Variants in SI observed in about 807,000 individuals in gnomAD.
SI encodes the protein sucrase-isomaltase, intestinal.
Under a neutral mutation model 253.3 loss-of-function variants are expected in SI, and 235 were observed. That is an observed-to-expected ratio of 0.93 (90% confidence interval 0.83 to 1.03). The LOEUF is 1.03. Ranked by LOEUF, SI falls within the 50% of genes least tolerant of loss-of-function variation. The pLI, the probability that SI is intolerant of heterozygous loss-of-function variation, is 0.00. For synonymous variants in SI, 819 were observed against 712.0 expected, an observed-to-expected ratio of 1.15 and a Z score of -2.39; for missense variants, 2,442 against 2,211.1, an observed-to-expected ratio of 1.10 and a Z score of -2.09.
chr3:165,090,159 A>G, the SI span, among the ~76,000 whole-genome samples: 187 of 147,752 alleles, frequency 1.3e-3, 2 homozygotes, highest in African/African-American at 4.4e-3. Flanking sequence ...TAAAAAAAAA[A>G]AGAGAGAGAG....
At chr3:165,057,096 G>A (rs571666237) in intron 12 of SI, among the ~76,000 whole-genome samples, 6 of 152,000 alleles carry the variant, frequency 3.9e-5, no homozygotes, top group South Asian at 2.1e-4. Context: ...CCAGGATAAC[G>A]TGGAGGAGTT....
intron 40 of SI, among the ~76,000 whole-genome samples, chr3:164,995,871 A>G (rs568411365): frequency 3.3e-5 from 5 of 151,866 alleles, no homozygotes; most frequent in African/African-American, 1.2e-4. Context: ...CATTTGAGCA[A>G]GGACTTCGTA....
chr3:165,019,257 C>G (rs990411377), intron 28 of SI, among the ~76,000 whole-genome samples: 1 of 151,944 alleles, frequency 6.6e-6, no homozygotes, highest in South Asian at 2.1e-4. Context: ...TCAAGGAAAA[C>G]TTTAGGCAGT....
At chr3:164,987,994 A>T (rs972799311) in intron 44 of SI, among the ~76,000 whole-genome samples, 22 of 152,304 alleles carry the variant, frequency 1.4e-4, no homozygotes, top group African/African-American at 5.3e-4. Context: ...TGTATAAAGT[A>T]GCCTCCAAGT....
Position 165,033,375 on chromosome 3 carries a change from T to G in SI, c.2565+20A>C, listed in dbSNP as rs544155794. The G allele has an allele frequency of 1.7e-5, 26 of 1,544,818 alleles. No homozygotes were observed. In the African/African-American group the frequency reaches 2.1e-4, roughly 12 times the overall value. On this transcript the variant is annotated intron_variant, in intron 23 of 47. Coordinates refer to ENST00000264382, the MANE Select transcript of SI (RefSeq NM_001041.4). Reference sequence around the variant, plus strand: ...TGAACAAATTATGCATTTAAGTATATGTACAAAGAGAGTGCTTACATTAGA... The same window carrying G: ...TGAACAAATTATGCATTTAAGTATAGGTACAAAGAGAGTGCTTACATTAGA...
Position 164,987,226 on chromosome 3 carries a change from A to G in SI, c.5109T>C (p.Ser1703=). The G allele has an allele frequency of 2.5e-6, 4 of 1,611,620 alleles. No homozygotes were observed. Among genetic ancestry groups the G allele is most frequent in the Non-Finnish European group, 3.4e-6 (4 of 1,177,956 alleles). Reference sequence around the variant, plus strand: ...CAATGAGCTTCATGTGTTTTTGTCGACTATAAGAAAGAAATATATAATTTT... The same window carrying G: ...CAATGAGCTTCATGTGTTTTTGTCGGCTATAAGAAAGAAATATATAATTTT... ...CQEPAQNTFY[S]RQKHMKLIVA... Residue 1703 remains serine (S), a splice_region_variant and synonymous_variant, in exon 45 of 48, where the codon AGT becomes AGC. Coordinates refer to ENST00000264382, the MANE Select transcript of SI (RefSeq NM_001041.4).
rs968132423 is a variant in SI, at chr3:164,982,348, T to A, written c.5310A>T (p.Gly1770=). The A allele has an allele frequency of 6.2e-7, 1 of 1,612,738 alleles. No homozygotes were observed. Among genetic ancestry groups the A allele is most frequent in the Admixed American group, 1.7e-5 (1 of 59,900 alleles). The part of the protein sequence containing the change: ...GYINKSETRL[G]SLHVWGKGTT... ...TTCCTTTCCCCCATACATGAAGGGATCCAAGCCTCGTTTCACTTTTATTTA... is the reference window on the plus strand; with the variant it reads ...TTCCTTTCCCCCATACATGAAGGGAACCAAGCCTCGTTTCACTTTTATTTA... The change falls in exon 47 of 48, where the codon GGA becomes GGT. Residue 1770 remains glycine (G), a synonymous_variant. Coordinates refer to ENST00000264382, the MANE Select transcript of SI (RefSeq NM_001041.4).
chr3:164,987,716 T>A (rs1318919020), intron 44 of SI, among the ~76,000 whole-genome samples: 2 of 151,446 alleles, frequency 1.3e-5, no homozygotes, highest in Non-Finnish European at 2.9e-5. Flanking sequence ...AAAAAAAAAA[T>A]TCTTCACATT....
chr3:165,066,145 A>G (rs1284732717), intron 6 of SI, among the ~76,000 whole-genome samples: 1 of 151,978 alleles, frequency 6.6e-6, no homozygotes, highest in African/African-American at 2.4e-5. Context: ...TATAGTATAA[A>G]AACTCTTTAC....
chr3:164,979,035 TTTTA>T lies in SI; in HGVS notation c.*323_*326del, dbSNP rs1258896338. On this transcript the variant is annotated 3_prime_UTR_variant, in exon 48 of 48. Transcript: ENST00000264382. ...TATAGTATATATAATTACATAAAAATTTTATTTAATTTAAAAATCACGTTTAAAT... is the reference window on the plus strand; with the variant it reads ...TATAGTATATATAATTACATAAAAATTTTAATTTAAAAATCACGTTTAAAT... 5.9e-6 allele frequency: 1 copy of T among 169,878 alleles called. No individual in the cohort carries two copies. The highest frequency in any genetic ancestry group is 1.5e-4 in the East Asian group (1 of 6,700). The allele number at this position is 169,878 out of a possible 1,614,324, so 10.5% of individuals were successfully genotyped here.
In SI at chr3:165,065,417, A is replaced by G; in HGVS notation, c.651T>C (p.Ile217=). The G allele has an allele frequency of 6.5e-7, 1 of 1,541,266 alleles. No homozygotes were observed. Among genetic ancestry groups the G allele is most frequent in the Non-Finnish European group, 8.9e-7 (1 of 1,126,362 alleles). Residue 217 remains isoleucine, a synonymous_variant, in exon 7 of 48, where the codon ATT becomes ATC. Coordinates refer to ENST00000264382, the MANE Select transcript of SI (RefSeq NM_001041.4). The part of the protein sequence containing the change: ...SNGKTLFDTS[I]GPLVYSDQYL... ...ACTGGTCAGAGTACACTAAGGGACC[A>G]ATGCTGGTGTCAAACCTGCACCATA... is the stretch of plus-strand genomic sequence containing the variant.
intron 7 of SI, among the ~76,000 whole-genome samples, chr3:165,064,443 ACT>A (rs1186049764): frequency 2.0e-5 from 3 of 151,848 alleles, no homozygotes; most frequent in Non-Finnish European, 2.9e-5. Flanking sequence ...ACCAAATGAA[ACT>A]CTTTAAAACA....
intron 33 of SI, among the ~76,000 whole-genome samples, chr3:165,013,499 G>A (rs1718867427): frequency 6.6e-6 from 1 of 151,988 alleles, no homozygotes; most frequent in Non-Finnish European, 1.5e-5. Flanking sequence ...GTGATTTTCA[G>A]AATTAGTACT....
chr3:165,061,650 C>A (rs911804302), intron 9 of SI, among the ~76,000 whole-genome samples: 3 of 151,778 alleles, frequency 2.0e-5, no homozygotes, highest in African/African-American at 7.2e-5. Context: ...AATCTTAAAC[C>A]AATGAAAATA....
At chr3:165,020,841 A>G (rs1711559726) in intron 27 of SI, among the ~76,000 whole-genome samples, 1 of 151,722 alleles carries the variant, frequency 6.6e-6, no homozygotes, top group African/African-American at 2.4e-5. Context: ...TATTAATTCT[A>G]TCAGATTCAA....
At chr3:165,066,293 A>G (rs921470449) in intron 6 of SI, among the ~76,000 whole-genome samples, 3 of 151,930 alleles carry the variant, frequency 2.0e-5, no homozygotes, top group African/African-American at 2.4e-5. Context: ...TGGTATACTC[A>G]GTGGGGGAGT....
At chr3:165,025,006 A>G (rs1239922630) in intron 25 of SI, among the ~76,000 whole-genome samples, 1 of 151,140 alleles carries the variant, frequency 6.6e-6, no homozygotes, top group African/African-American at 2.4e-5. Flanking sequence ...TTCCATTCTA[A>G]ATGCTTTGTT....
chr3:165,017,340 G>A (rs571419131), intron 31 of SI, among the ~76,000 whole-genome samples: 1 of 151,864 alleles, frequency 6.6e-6, no homozygotes, highest in South Asian at 2.1e-4. Flanking sequence ...TATTAGGGAG[G>A]GAAAAGGAAA....
intron 9 of SI, among the ~76,000 whole-genome samples, chr3:165,061,499 G>C (rs1012480657): frequency 1.3e-5 from 2 of 151,852 alleles, no homozygotes; most frequent in Admixed American, 1.3e-4. Flanking sequence ...AACCTTAGCT[G>C]CTCTCATTTC....
Sources: gnomAD v4.1 joint callset for allele counts (sites outside exome capture counted in the v4.1 genomes callset) on GRCh38, gnomAD v4.1.1 for gene constraint, MANE v1.5 for transcripts, NCBI Gene and HGNC (gene_info 2026-07-23, HGNC 2026-07-21) for gene names.